The following ALPK2 variants were observed in gnomAD, a reference collection of about 807,000 sequenced individuals.
ALPK2 encodes the protein alpha kinase 2, also known as alpha-protein kinase 2.
In ALPK2, 127 loss-of-function variants were observed where a neutral mutation model predicts 163.1. The observed-to-expected ratio is 0.78, with a 90% CI of 0.67 to 0.90. The LOEUF (loss-of-function observed/expected upper bound fraction) is 0.90. Ranked by LOEUF, ALPK2 falls within the 40% of genes least tolerant of loss-of-function variation. The pLI is 0.00. For synonymous variants in ALPK2, 953 were observed against 959.1 expected (o/e 0.99, Z 0.12); for missense variants, 2,360 against 2,589.6 (o/e 0.91, Z 1.92).
chr18:58,500,043 C>G (rs1188436575), intron 11 of ALPK2, among the ~76,000 whole-genome samples: 1 of 152,246 alleles, frequency 6.6e-6, no homozygotes, highest in Non-Finnish European at 1.5e-5. Flanking sequence ...GTTAGGCAGA[C>G]AGAAGCCATG....
rs2051647591 is a variant in ALPK2, at chr18:58,536,361, G to C, written c.3826C>G (p.Pro1276Ala). The C allele has an allele frequency of 6.2e-7, 1 of 1,614,166 alleles. No individual in the cohort carries two copies. The highest frequency in any genetic ancestry group is 8.5e-7 in the Non-Finnish European group (1 of 1,180,036). ...LIIPDKVWAV[P>A]DSLKADAVVP... ...ACAGCATCTGCCTTTAGACTATCAGGTACAGCCCAGACCTTGTCAGGAATT... is the reference window on the plus strand; with the variant it reads ...ACAGCATCTGCCTTTAGACTATCAGCTACAGCCCAGACCTTGTCAGGAATT... Residue 1276 changes from proline (P) to alanine (A), a missense_variant, in exon 5 of 13, where the codon CCT becomes GCT. By Grantham distance (27) the Pro-to-Ala change is conservative (BLOSUM62 -1). Coordinates refer to ENST00000361673, the MANE Select transcript of ALPK2 (RefSeq NM_052947.4).
chr18:58,538,090 CT>C lies in ALPK2; in HGVS notation c.2096del (p.Lys699ArgfsTer6). 6.2e-7 allele frequency: 1 copy of C among 1,614,154 alleles called. No homozygotes were observed. The highest frequency in any genetic ancestry group is 8.5e-7 in the Non-Finnish European group (1 of 1,180,028). On this transcript the variant is annotated frameshift_variant, in exon 5 of 13. Transcript: ENST00000361673. LOFTEE classifies it high-confidence loss of function. Reference sequence around the variant, plus strand: ...AGTGTTGAGCTAATGATGCATTTTCCTTGTGGACCCCTCCTAAGTTTGAGAA... The same window carrying C: ...AGTGTTGAGCTAATGATGCATTTTCCTGTGGACCCCTCCTAAGTTTGAGAA... The part of the protein sequence containing the change: ...ISFSNLGGVH[K>X]ENASLAQHSE...
chr18:58,546,391 A>G (rs1031836491), intron 4 of ALPK2, among the ~76,000 whole-genome samples: 2 of 152,158 alleles, frequency 1.3e-5, no homozygotes, highest in African/African-American at 4.8e-5. Flanking sequence ...CTGTGAGTTC[A>G]GTGGGAGTCT....
chr18:58,569,203 G>C (rs373029517), intron 4 of ALPK2, among the ~76,000 whole-genome samples: 22 of 152,122 alleles, frequency 1.4e-4, no homozygotes, highest in African/African-American at 2.2e-4. Flanking sequence ...CCCAGTCTTG[G>C]GGGGGAGAAA....
intron 3 of ALPK2, among the ~76,000 whole-genome samples, chr18:58,588,146 T>G (rs2051996483): frequency 6.6e-6 from 1 of 152,248 alleles, no homozygotes. Context: ...TTTTATTACA[T>G]GGGGTATTAA....
At chr18:58,560,400 T>C (rs1203621098) in intron 4 of ALPK2, among the ~76,000 whole-genome samples, 1 of 152,220 alleles carries the variant, frequency 6.6e-6, no homozygotes, top group Non-Finnish European at 1.5e-5. Context: ...TGAAAACTAA[T>C]ACAGGGAGAG....
intron 1 of ALPK2, among the ~76,000 whole-genome samples, chr18:58,621,463 G>A (rs1217175933): frequency 6.6e-6 from 1 of 152,064 alleles, no homozygotes; most frequent in Non-Finnish European, 1.5e-5. Context: ...AGTAGAGACA[G>A]GGTTTCACTG....
chr18:58,583,176 AG>A, intron 3 of ALPK2, among the ~76,000 whole-genome samples: 1 of 152,306 alleles, frequency 6.6e-6, no homozygotes, highest in South Asian at 2.1e-4. Context: ...GATTTTCTTT[AG>A]GACCTGCTCT....
At chr18:58,538,468 C>T (rs2051670163) in intron 4 of ALPK2, 3 of 459,588 alleles carry the variant, frequency 6.5e-6, no homozygotes, top group Admixed American at 3.9e-5. Context: ...AAAAAGCCTC[C>T]TGACAACCAT....
rs1228575082 is a variant in ALPK2 at position 58,538,074 on chromosome 18, C to T, written c.2113G>A (p.Ala705Thr). Residue 705 changes from alanine (A) to threonine (T), a missense_variant, in exon 5 of 13, where the codon GCT (alanine) becomes ACT (threonine). Ala to Thr is a moderately conservative substitution (Grantham distance 58, BLOSUM62 0). Transcript: ENST00000361673. The stretch of plus-strand genomic sequence containing the variant: ...CAGGGTTTGACCTCCGAGTGTTGAG[C>T]TAATGATGCATTTTCCTTGTGGACC... ...GGVHKENASL[A>T]QHSEVKPCTC... The T allele has an allele frequency of 1.2e-6, 2 of 1,614,138 alleles. No homozygotes were observed. The highest frequency in any genetic ancestry group is 1.7e-6 in the Non-Finnish European group (2 of 1,180,020).
At chr18:58,549,946 G>C (rs9966881) in intron 4 of ALPK2, among the ~76,000 whole-genome samples, 1 of 152,006 alleles carries the variant, frequency 6.6e-6, no homozygotes, top group South Asian at 2.1e-4. Flanking sequence ...GCAAAACGTG[G>C]AGTCAGGACC....
chr18:58,572,107 A>G (rs982735342), intron 4 of ALPK2, among the ~76,000 whole-genome samples: 10 of 152,230 alleles, frequency 6.6e-5, no homozygotes, highest in African/African-American at 2.4e-4. Flanking sequence ...ACATTTCCCC[A>G]AAGAAAATAT....
At chr18:58,605,402 G>GA (rs1386122708) in intron 3 of ALPK2, among the ~76,000 whole-genome samples, 5 of 152,330 alleles carry the variant, frequency 3.3e-5, no homozygotes, top group Middle Eastern at 3.4e-3. Flanking sequence ...AATAGATAGA[G>GA]AAGGGAGAGA....
At chr18:58,495,573 T>A (rs2051397327) in intron 12 of ALPK2, among the ~76,000 whole-genome samples, 1 of 152,228 alleles carries the variant, frequency 6.6e-6, no homozygotes, top group South Asian at 2.1e-4. Context: ...CCAGTCGGTC[T>A]GGGTTCCTGG....
intron 10 of ALPK2, chr18:58,511,497 G>A (rs1337933432): frequency 6.6e-6 from 1 of 152,272 alleles, no homozygotes; most frequent in East Asian, 1.9e-4. Context: ...AGAGCTGGGA[G>A]TGTTCTCCCG....
chr18:58,556,536 G>A (rs1251726081), intron 4 of ALPK2, among the ~76,000 whole-genome samples: 2 of 152,060 alleles, frequency 1.3e-5, no homozygotes, highest in East Asian at 1.9e-4. Flanking sequence ...CCTTCAATAC[G>A]TGTCAGCTGT....
intron 11 of ALPK2, among the ~76,000 whole-genome samples, chr18:58,502,159 C>T (rs1377253658): frequency 6.9e-6 from 1 of 144,744 alleles, no homozygotes; most frequent in Non-Finnish European, 1.5e-5. Context: ...CACACACACA[C>T]ACACACACAC....
intron 3 of ALPK2, among the ~76,000 whole-genome samples, chr18:58,593,762 C>T (rs1448730569): frequency 6.6e-6 from 1 of 151,836 alleles, no homozygotes; most frequent in Non-Finnish European, 1.5e-5. Context: ...CCTGTAATCC[C>T]AGCTACTTGG....
intron 5 of ALPK2, among the ~76,000 whole-genome samples, chr18:58,532,406 G>A (rs1311407496): frequency 1.3e-5 from 2 of 152,176 alleles, no homozygotes; most frequent in Non-Finnish European, 2.9e-5. Context: ...AACCTACCCC[G>A]GCATGGGCAA....
Sources: gnomAD v4.1 joint callset for allele counts (sites outside exome capture counted in the v4.1 genomes callset) on GRCh38, gnomAD v4.1.1 for gene constraint, MANE v1.5 for transcripts, NCBI Gene and HGNC (gene_info 2026-07-23, HGNC 2026-07-21) for gene names.